MARCO: variants seen among roughly 807,000 people sequenced by gnomAD.
MARCO encodes the protein macrophage receptor MARCO.
In MARCO, 72 loss-of-function variants were observed where a neutral mutation model predicts 70.0. That is an observed-to-expected ratio of 1.03 (90% CI 0.85 to 1.25). The LOEUF (loss-of-function observed/expected upper bound fraction) is 1.25. MARCO is among the 50% of genes most tolerant of loss of function. The pLI is 0.00. For missense variants in MARCO, 696 were observed against 659.3 expected (o/e 1.06, Z -0.61); for synonymous variants, 273 against 243.1 (o/e 1.12, Z -1.14).
intron 1 of MARCO, among the ~76,000 whole-genome samples, chr2:118,956,439 A>T (rs560023752): frequency 9.7e-6 from 1 of 103,082 alleles, no homozygotes; most frequent in East Asian, 3.2e-4. Context: ...CAACAGGAAG[A>T]TATCACAATC....
chr2:118,971,631 C>T, intron 4 of MARCO, 97 bp downstream of exon 4: 3 of 1,182,494 alleles, frequency 2.5e-6, no homozygotes, highest in East Asian at 2.5e-5. Flanking sequence ...GACAGCTGAC[C>T]CTAGCTTACC....
chr2:118,978,026 A>C (rs377133981), intron 8 of MARCO, 91 bp downstream of exon 8: 2 of 762,222 alleles, frequency 2.6e-6, no homozygotes, highest in East Asian at 5.4e-5. Flanking sequence ...TTCAGTGCCC[A>C]CTGAGGGCAA....
chr2:118,973,067 T>A (rs1448300702), intron 4 of MARCO, among the ~76,000 whole-genome samples: 1 of 151,622 alleles, frequency 6.6e-6, no homozygotes, highest in East Asian at 1.9e-4. Context: ...AAACTCCAAC[T>A]CTCTCTCTCC....
At chr2:118,969,709 T>C (rs1680125445) in intron 2 of MARCO, among the ~76,000 whole-genome samples, 1 of 152,214 alleles carries the variant, frequency 6.6e-6, no homozygotes, top group African/African-American at 2.4e-5. Flanking sequence ...TCAAGAACGC[T>C]GAATGAGCAG....
At chr2:118,965,525 A>C (rs886828276) in intron 1 of MARCO, among the ~76,000 whole-genome samples, 1 of 152,168 alleles carries the variant, frequency 6.6e-6, no homozygotes, top group Admixed American at 6.5e-5. Context: ...AATAGTTTTA[A>C]CATCTGTGTC....
chr2:118,958,045 T>C (rs1229976822), intron 1 of MARCO, among the ~76,000 whole-genome samples: 1 of 151,782 alleles, frequency 6.6e-6, no homozygotes, highest in African/African-American at 2.4e-5. Context: ...GACAACATAA[T>C]ACTGAATGGG....
intron 1 of MARCO, among the ~76,000 whole-genome samples, chr2:118,957,624 CAGAG>C (rs1679862819): frequency 6.6e-6 from 1 of 151,928 alleles, no homozygotes; most frequent in South Asian, 2.1e-4. Flanking sequence ...TTCCACAAGA[CAGAG>C]AAAGAAGGAA....
At chr2:118,991,902 G>T (rs1277321630) in intron 14 of MARCO, 27 bp downstream of exon 14, 1 of 1,470,264 alleles carries the variant, frequency 6.8e-7, no homozygotes, top group South Asian at 1.2e-5. Context: ...TGATTCCTTT[G>T]TTCTTAGGAC....
intron 1 of MARCO, among the ~76,000 whole-genome samples, chr2:118,967,628 A>G (rs994424414): frequency 5.9e-5 from 9 of 151,914 alleles, no homozygotes; most frequent in Non-Finnish European, 1.5e-5. Context: ...CACCAACAAA[A>G]CCACTCCTCT....
rs1680130073 is a variant in MARCO, at chr2:118,969,966, C to T, written c.200-148C>T. ...GCACATGGTCAAGATGTAGAAAAGG[C>T]CGTGTGCTCACGCTAGGTCCTGACA... On this transcript the variant is annotated intron_variant, in intron 2 of 16. Transcript: ENST00000327097. 3 of 663,356 alleles carry T rather than the reference C, an allele frequency of 4.5e-6. No homozygotes were observed. The Admixed American group carries it at 7.7e-5, about 17-fold the overall frequency. 41.1% of individuals were successfully genotyped at this position (663,356 alleles called of 1,614,324 possible). A position where few individuals can be genotyped will look rare whatever the true frequency, so the allele number is the denominator to read the frequency against.
chr2:118,970,312 G>A lies in MARCO; in HGVS notation c.398G>A (p.Arg133Gln), dbSNP rs748412045. The A allele has an allele frequency of 9.9e-6, 16 of 1,613,370 alleles. No homozygotes were observed. Among genetic ancestry groups the A allele is most frequent in the South Asian group, 2.2e-5 (2 of 90,952 alleles). The change falls in exon 3 of 17, where the codon CGG becomes CAG. Residue 133 changes from arginine to glutamine, a missense_variant. Physicochemically the swap from Arg to Gln is conservative, Grantham distance 43 (BLOSUM62 1). Transcript: ENST00000327097. ...GTCAGCCATGAGCACTTGCTGCAGC[G>A]GGTAGACAACTTCACTCAGAACCCA... ...VRVSHEHLLQRVDNFTQNPGM... is the reference protein window; with the variant it reads ...VRVSHEHLLQQVDNFTQNPGM...
chr2:118,986,656 G>GAAAAAGAAAGAAAGAAA (rs1558671646), intron 12 of MARCO, among the ~76,000 whole-genome samples: 1 of 28,272 alleles, frequency 3.5e-5, no homozygotes, highest in African/African-American at 2.9e-4. Context: ...AAAGAAAGAA[G>GAAAAAGAAAGAAAGAAA]GAAGGAAGGA....
At chr2:118,969,383 A>G (rs1680117767) in intron 2 of MARCO, 122 bp downstream of exon 2, 1 of 701,946 alleles carries the variant, frequency 1.4e-6, no homozygotes, top group Non-Finnish European at 2.5e-6. Flanking sequence ...ATCTGCTGGG[A>G]GACAGTCTCA....
chr2:118,945,119 A>C (rs1679570955), intron 1 of MARCO, among the ~76,000 whole-genome samples: 1 of 152,118 alleles, frequency 6.6e-6, no homozygotes, highest in African/African-American at 2.4e-5. Context: ...AGGGTCTCAC[A>C]GAATCCCAGG....
At chr2:118,966,814 C>T (rs574907383) in intron 1 of MARCO, among the ~76,000 whole-genome samples, 25 of 152,324 alleles carry the variant, frequency 1.6e-4, no homozygotes, top group Non-Finnish European at 3.4e-4. Flanking sequence ...AAAAACAGTG[C>T]TGTCCATGAC....
intron 12 of MARCO, among the ~76,000 whole-genome samples, chr2:118,983,946 G>T (rs1680440483): frequency 6.6e-6 from 1 of 152,116 alleles, no homozygotes; most frequent in South Asian, 2.1e-4. Context: ...AGGGAATCCT[G>T]CCCTGCCCTT....
At chr2:118,965,929 A>C (rs1160029410) in intron 1 of MARCO, among the ~76,000 whole-genome samples, 1 of 152,174 alleles carries the variant, frequency 6.6e-6, no homozygotes, top group Non-Finnish European at 1.5e-5. Flanking sequence ...CCCAAAGGGA[A>C]GACATTACTT....
chr2:118,993,638 A>G (rs1680666218), intron 16 of MARCO, among the ~76,000 whole-genome samples: 2 of 152,206 alleles, frequency 1.3e-5, no homozygotes, highest in South Asian at 4.1e-4. Context: ...AACTGGAAGA[A>G]CAGAGAGAAG....
intron 1 of MARCO, among the ~76,000 whole-genome samples, chr2:118,947,171 G>A (rs1679616207): frequency 6.6e-6 from 1 of 152,108 alleles, no homozygotes; most frequent in African/African-American, 2.4e-5. Context: ...ATTCTGACAA[G>A]GTCCAACCTA....
Sources: allele counts gnomAD v4.1 joint callset (sites outside exome capture counted in the v4.1 genomes callset), GRCh38; gene constraint gnomAD v4.1.1; transcripts MANE v1.5; gene names NCBI Gene and HGNC (gene_info 2026-07-23, HGNC 2026-07-21).